Variants in ASXL2 observed in about 807,000 individuals in gnomAD.
ASXL2 encodes the protein ASXL transcriptional regulator 2, also known as putative Polycomb group protein ASXL2.
A neutral mutation model predicts 122.0 loss-of-function variants in ASXL2; 23 were observed. The observed-to-expected ratio is 0.19, with a 90% confidence interval of 0.14 to 0.27. The LOEUF (loss-of-function observed/expected upper bound fraction) is 0.27, where lower values mean the gene tolerates loss of function less well. ASXL2 is among the 10% of genes least tolerant of loss of function. The pLI is 1.00. For missense variants in ASXL2, 1,518 were observed against 1,713.8 expected, an observed-to-expected ratio of 0.89 and a Z score of 2.02; for synonymous variants, 650 against 637.0, an observed-to-expected ratio of 1.02 and a Z score of -0.31.
chr2:25,866,293 G>C (rs889928317), intron 1 of ASXL2, among the ~76,000 whole-genome samples: 3 of 152,042 alleles, frequency 2.0e-5, no homozygotes, highest in African/African-American at 7.2e-5. Flanking sequence ...ACCACGCCCA[G>C]CTAAGTTTTG....
chr2:25,792,994 T>C (rs2088857981), intron 5 of ASXL2, among the ~76,000 whole-genome samples: 1 of 151,970 alleles, frequency 6.6e-6, no homozygotes, highest in African/African-American at 2.4e-5. Context: ...GGCTCACACC[T>C]GTAATCCCAG....
rs1249025549 is a variant in ASXL2 at position 25,749,826 on chromosome 2, G to A, written c.1730C>T (p.Ala577Val). 3 of 1,610,240 alleles carry A rather than the reference G, an allele frequency of 1.9e-6. No homozygotes were observed. The Admixed American group carries it at 5.1e-5, about 27-fold the overall frequency. The change falls in exon 12 of 13, where the codon GCC becomes GTC. Residue 577 changes from alanine (A) to valine (V), a missense_variant. Physicochemically the swap from Ala to Val is moderately conservative, Grantham distance 64 (BLOSUM62 0). This residue lies in a region of ASXL2 where 292 missense variants were observed against 293.5 expected (regional missense o/e 1.00). Coordinates refer to ENST00000435504, the MANE Select transcript of ASXL2 (RefSeq NM_018263.6). ...KRKSSLTQEE[A>V]PVSWEKRPRV... ...TGGCCTCTTCTCCCAGCTCACAGGGGCCTCTTCTTGGGTGAGGGAAGACTT... is the reference window on the plus strand; with the variant it reads ...TGGCCTCTTCTCCCAGCTCACAGGGACCTCTTCTTGGGTGAGGGAAGACTT...
Position 25,771,429 on chromosome 2 carries a change from G to A in ASXL2, c.504+11C>T, listed in dbSNP as rs747212590. 16 of 1,598,664 alleles carry A rather than the reference G, an allele frequency of 1.0e-5. No homozygotes were observed. In the Admixed American group the frequency reaches 2.5e-4, roughly 25 times the overall value. ...AATTCTACTTGATAAATACAGACTA[G>A]CAATGCTTACCTGCTTTAGTGCCTT... On this transcript the variant is annotated intron_variant, in intron 6 of 12. Coordinates refer to ENST00000435504, the MANE Select transcript of ASXL2 (RefSeq NM_018263.6).
intron 2 of ASXL2, among the ~76,000 whole-genome samples, chr2:25,839,021 C>T (rs2089546903): frequency 6.6e-6 from 1 of 152,118 alleles, no homozygotes; most frequent in Admixed American, 6.5e-5. Flanking sequence ...CTTAAACAAA[C>T]CCAATAAACA....
At position 25,759,667 on chromosome 2, in the gene ASXL2, G is replaced by A. The variant is rs751623604; in HGVS notation, c.776-22C>T. ...TGTCCTACAAAAACAGAGAAGAATC[G>A]TTTGGGCCTCCCTCACAAGTCCTGT... On this transcript the variant is annotated intron_variant, in intron 8 of 12. Transcript: ENST00000435504. The A allele has an allele frequency of 3.2e-5, 51 of 1,597,028 alleles. No individual in the cohort carries two copies. In the South Asian group the frequency reaches 5.1e-4, roughly 16 times the overall value.
chr2:25,816,280 C>T (rs553563682), intron 3 of ASXL2, among the ~76,000 whole-genome samples: 2 of 151,984 alleles, frequency 1.3e-5, no homozygotes, highest in Admixed American at 1.3e-4. Flanking sequence ...TCTTAAGCGT[C>T]AAGGATAAAG....
chr2:25,771,615 G>T, intron 5 of ASXL2, 75 bp from the exon 6 acceptor site: 1 of 1,192,868 alleles, frequency 8.4e-7, no homozygotes, highest in Non-Finnish European at 1.2e-6. Context: ...CCAATCATAT[G>T]CTGCTACCTG....
At chr2:25,787,838 A>G (rs1158014929) in intron 5 of ASXL2, among the ~76,000 whole-genome samples, 4 of 152,230 alleles carry the variant, frequency 2.6e-5, no homozygotes, top group African/African-American at 9.6e-5. Flanking sequence ...AAATCATAGC[A>G]GGTTGAGGGG....
Position 25,740,486 on chromosome 2 carries a change from C to G in ASXL2, c.*1543G>C, listed in dbSNP as rs1370069518. The G allele has an allele frequency of 8.8e-6, 2 of 227,868 alleles. No homozygotes were observed. The highest frequency in any genetic ancestry group is 1.7e-5 in the Non-Finnish European group (2 of 114,910). The allele number at this position is 227,868 out of a possible 1,614,324, so 14.1% of individuals were successfully genotyped here. On this transcript the variant is annotated 3_prime_UTR_variant, in exon 13 of 13. Transcript: ENST00000435504. Reference sequence around the variant, plus strand: ...CATTCCAAATTAGGAGACTTGAAATCAATATGCAAATGATGCAAATTGACA... The same window carrying G: ...CATTCCAAATTAGGAGACTTGAAATGAATATGCAAATGATGCAAATTGACA...
chr2:25,769,216 C>G (rs988471635), intron 6 of ASXL2, among the ~76,000 whole-genome samples: 1 of 152,130 alleles, frequency 6.6e-6, no homozygotes, highest in South Asian at 2.1e-4. Flanking sequence ...CCAAAAACTT[C>G]CCAGTCTTGT....
chr2:25,820,504 G>A (rs1294169740), intron 3 of ASXL2, among the ~76,000 whole-genome samples: 1 of 152,172 alleles, frequency 6.6e-6, no homozygotes, highest in East Asian at 1.9e-4. Context: ...ATGGAATTTG[G>A]AGTTTATGAT....
At chr2:25,751,316 C>T (rs1364088613) in intron 11 of ASXL2, among the ~76,000 whole-genome samples, 1 of 152,124 alleles carries the variant, frequency 6.6e-6, no homozygotes, top group Non-Finnish European at 1.5e-5. Context: ...GAAAGACCCA[C>T]GAACTGTTGT....
Position 25,743,313 on chromosome 2 carries a change from A to G in ASXL2, c.3024T>C (p.Asn1008=). Residue 1008 remains asparagine (N), a synonymous_variant, in exon 13 of 13, where the codon AAT becomes AAC. Transcript: ENST00000435504. The stretch of plus-strand genomic sequence containing the variant: ...GCGTAGCTGGATGGGACTGTCTCTC[A>G]TTAACTTCCTCTCTGGTGCTATTTT... ...TTENSTREEV[N]ERQSHPATQQ... is the part of the protein sequence containing the mutation. The G allele has an allele frequency of 6.2e-7, 1 of 1,613,900 alleles. No individual in the cohort carries two copies. Among genetic ancestry groups the G allele is most frequent in the Non-Finnish European group, 8.5e-7 (1 of 1,179,858 alleles).
intron 3 of ASXL2, chr2:25,822,884 A>T: frequency 3.6e-6 from 2 of 548,918 alleles, no homozygotes; most frequent in Non-Finnish European, 3.7e-6. Flanking sequence ...CAGATTGACC[A>T]GAAGTAGATG....
At position 25,878,439 on chromosome 2, in the gene ASXL2, C is replaced by T; in HGVS notation, c.-217G>A. ...CTTGCTGCCGTTGCCACTGCTACCG[C>T]CGCTGCCATATTGGGTTCTTACTGT... On this transcript the variant is annotated 5_prime_UTR_variant, in exon 1 of 13. Coordinates refer to ENST00000435504, the MANE Select transcript of ASXL2 (RefSeq NM_018263.6). 1 of 594,698 alleles carries T rather than the reference C, an allele frequency of 1.7e-6. No homozygotes were observed. Among genetic ancestry groups the T allele is most frequent in the Non-Finnish European group, 3.0e-6 (1 of 334,844 alleles). The allele number at this position is 594,698 out of a possible 1,614,324, so 36.8% of individuals were successfully genotyped here.
intron 9 of ASXL2, among the ~76,000 whole-genome samples, chr2:25,757,501 GAAAAC>G (rs2088155665): frequency 7.0e-6 from 1 of 142,682 alleles, no homozygotes; most frequent in Admixed American, 6.9e-5. Flanking sequence ...GAAAGAAAAA[GAAAAC>G]ACACACACAC....
At chr2:25,858,689 C>T (rs920210226) in intron 1 of ASXL2, among the ~76,000 whole-genome samples, 68 of 149,708 alleles carry the variant, frequency 4.5e-4, no homozygotes, top group Admixed American at 4.7e-4. Context: ...CGCCACTGTA[C>T]TCCAGCCTGG....
At chr2:25,829,352 GA>G (rs1227754425) in intron 3 of ASXL2, among the ~76,000 whole-genome samples, 24 of 152,076 alleles carry the variant, frequency 1.6e-4, no homozygotes, top group African/African-American at 5.5e-4. Context: ...TATTAGTGAG[GA>G]AAACAAAATA....
intron 9 of ASXL2, among the ~76,000 whole-genome samples, chr2:25,757,706 A>AC (rs2088161714): frequency 2.8e-5 from 4 of 141,772 alleles, no homozygotes; most frequent in South Asian, 2.3e-4. Flanking sequence ...AAAAAAGAAT[A>AC]CCCCCCAGGA....
Sources: gnomAD v4.1 joint callset for allele counts (sites outside exome capture counted in the v4.1 genomes callset) on GRCh38, gnomAD v4.1.1 for gene constraint, gnomAD v4.1.1 regional missense constraint, MANE v1.5 for transcripts, NCBI Gene and HGNC (gene_info 2026-07-23, HGNC 2026-07-21) for gene names.